The following ALPK1 variants were observed in gnomAD, a reference collection of about 807,000 sequenced individuals.
ALPK1 encodes the protein alpha-protein kinase 1.
A neutral mutation model predicts 120.6 loss-of-function variants in ALPK1; 110 were observed. The ratio of observed to expected loss-of-function variants is 0.91; its 90% CI spans 0.78 to 1.07. The LOEUF is 1.07. Among genes scored for constraint, ALPK1 ranks in the 50% least tolerant of loss-of-function variants. The probability of loss-of-function intolerance (pLI) is 0.00; values close to 1 mark genes in which losing one functional copy is unlikely to be tolerated. For synonymous variants in ALPK1, 582 were observed against 560.3 expected (o/e 1.04, Z -0.55); for missense variants, 1,498 against 1,483.9 (o/e 1.01, Z -0.16).
chr4:112,335,387 T>C (rs1169716848), intron 2 of ALPK1, among the ~76,000 whole-genome samples: 2 of 152,170 alleles, frequency 1.3e-5, no homozygotes, highest in Non-Finnish European at 2.9e-5. Context: ...AGCCAGATGA[T>C]CAAGGTTCTT....
At chr4:112,326,987 T>A (rs1220944768) in intron 2 of ALPK1, among the ~76,000 whole-genome samples, 1 of 152,208 alleles carries the variant, frequency 6.6e-6, no homozygotes, top group Non-Finnish European at 1.5e-5. Flanking sequence ...CCTCAGTCAC[T>A]GTGCAGTAGA....
chr4:112,424,950 C>G (rs775833611), intron 6 of ALPK1: 1 of 151,380 alleles, frequency 6.6e-6, no homozygotes, highest in Admixed American at 6.6e-5. Flanking sequence ...CTGGACAGTC[C>G]GATTAAAACA....
rs201791973 is a variant in ALPK1, at chr4:112,432,451, G to C, written c.2904G>C (p.Glu968Asp). Reference sequence around the variant, plus strand: ...CATTGCCGGGAAAGATGAGGAAAGAGATCCTTGAGGCTCGCACCTTGCAAC... The same window carrying C: ...CATTGCCGGGAAAGATGAGGAAAGACATCCTTGAGGCTCGCACCTTGCAAC... ...WVSLPGKMRK[E>D]ILEARTLQPD... is the part of the protein sequence containing the mutation. The change falls in exon 11 of 16, where the codon GAG becomes GAC. Residue 968 changes from glutamate to aspartate, a missense_variant. Transcript: ENST00000650871. 6.3e-5 allele frequency: 102 copies of C among 1,614,068 alleles called. No individual in the cohort carries two copies. In the Admixed American group the frequency reaches 1.6e-3, roughly 26 times the overall value.
intron 5 of ALPK1, among the ~76,000 whole-genome samples, chr4:112,412,937 A>T (rs1560676740): frequency 6.6e-6 from 1 of 152,232 alleles, no homozygotes; most frequent in African/African-American, 2.4e-5. Context: ...GGACAGAGAC[A>T]AAAGGACATG....
chr4:112,415,804 G>T (rs931396975), intron 5 of ALPK1, among the ~76,000 whole-genome samples: 3 of 152,122 alleles, frequency 2.0e-5, no homozygotes, highest in African/African-American at 4.8e-5. Flanking sequence ...ACACCCTCCC[G>T]GTTGGTGAGA....
chr4:112,374,121 G>A (rs1731542723), intron 2 of ALPK1, among the ~76,000 whole-genome samples: 1 of 152,152 alleles, frequency 6.6e-6, no homozygotes, highest in Non-Finnish European at 1.5e-5. Flanking sequence ...ATTCACCCAT[G>A]GTAGAACTTC....
intron 5 of ALPK1, among the ~76,000 whole-genome samples, chr4:112,415,495 G>A (rs1377711798): frequency 6.6e-6 from 1 of 152,120 alleles, no homozygotes; most frequent in Non-Finnish European, 1.5e-5. Context: ...AAATTAGCCT[G>A]GTGTGGTGGC....
At chr4:112,298,370 T>C (rs1727635133) in intron 1 of ALPK1, among the ~76,000 whole-genome samples, 1 of 152,148 alleles carries the variant, frequency 6.6e-6, no homozygotes, top group Non-Finnish European at 1.5e-5. Flanking sequence ...GCACTTGGGA[T>C]ACACTCTAGT....
Position 112,431,216 on chromosome 4 carries a change from A to T in ALPK1, c.1669A>T (p.Thr557Ser). 6.2e-7 allele frequency: 1 copy of T among 1,614,204 alleles called. No individual in the cohort carries two copies. Among genetic ancestry groups the T allele is most frequent in the Non-Finnish European group, 8.5e-7 (1 of 1,180,024 alleles). Residue 557 changes from threonine to serine, a missense_variant, in exon 11 of 16, where the codon ACT (threonine) becomes TCT (serine). Physicochemically the swap from Thr to Ser is moderately conservative, Grantham distance 58. Coordinates refer to ENST00000650871, the MANE Select transcript of ALPK1 (RefSeq NM_025144.4). Reference sequence around the variant, plus strand: ...CTTGGATCAAGATGTGGAGACTGAGACTGAGCCATCGGACTACAGCAATGG... The same window carrying T: ...CTTGGATCAAGATGTGGAGACTGAGTCTGAGCCATCGGACTACAGCAATGG... ...VSLDQDVETE[T>S]EPSDYSNGEG...
chr4:112,346,605 G>A (rs972176788), intron 2 of ALPK1, among the ~76,000 whole-genome samples: 5 of 152,230 alleles, frequency 3.3e-5, no homozygotes, highest in African/African-American at 1.2e-4. Flanking sequence ...CTGGGTCCAT[G>A]ATGCCAACCA....
At position 112,438,501 on chromosome 4, in the gene ALPK1, A is replaced by G. The variant is rs903807243; in HGVS notation, c.3206A>G (p.Tyr1069Cys). The stretch of plus-strand genomic sequence containing the variant: ...GTTCATAGGTATGTTGGGAAAGACT[A>G]TAAGGAGCAGAAGGGGCTCTGGCAC... ...EILGRYVGKD[Y>C]KEQKGLWHHF... The change falls in exon 13 of 16, where the codon TAT becomes TGT. Residue 1069 changes from tyrosine to cysteine, a missense_variant. Coordinates refer to ENST00000650871, the MANE Select transcript of ALPK1 (RefSeq NM_025144.4). The G allele has an allele frequency of 9.3e-6, 15 of 1,613,658 alleles. No individual in the cohort carries two copies. Among genetic ancestry groups the G allele is most frequent in the East Asian group, 2.2e-5 (1 of 44,872 alleles).
In ALPK1 at chr4:112,318,487, C is replaced by A. The variant is rs898021144; in HGVS notation, c.-101+2635C>A. Among the ~76,000 whole-genome samples the A allele has an allele frequency of 2.0e-5, 3 of 152,330 alleles. No individual in the cohort carries two copies. In the South Asian group the frequency reaches 6.2e-4, roughly 32 times the overall value. On this transcript the variant is annotated intron_variant, in intron 2 of 15. Coordinates refer to ENST00000650871, the MANE Select transcript of ALPK1 (RefSeq NM_025144.4). The stretch of plus-strand genomic sequence containing the variant: ...GGTCATTTGCCTCTGAAGCTCATAT[C>A]CTTTTCACTTCTCCAGGTTGCTTCT...
intron 2 of ALPK1, chr4:112,358,511 G>T: frequency 1.5e-6 from 1 of 678,342 alleles, no homozygotes. Flanking sequence ...AGGGTCACCA[G>T]CTGCTGGGGA....
At chr4:112,417,850 G>A (rs1733810399) in intron 5 of ALPK1, among the ~76,000 whole-genome samples, 1 of 152,192 alleles carries the variant, frequency 6.6e-6, no homozygotes, top group Non-Finnish European at 1.5e-5. Flanking sequence ...AGAAGAAAAA[G>A]TATGTGTTCA....
intron 4 of ALPK1, among the ~76,000 whole-genome samples, chr4:112,404,089 C>A (rs1261072768): frequency 1.3e-5 from 2 of 152,224 alleles, no homozygotes; most frequent in Admixed American, 1.3e-4. Flanking sequence ...CTTTTCCTTT[C>A]TCAGTTTCCA....
At position 112,344,448 on chromosome 4, in the gene ALPK1, GA is replaced by G. The variant is rs559714518; in HGVS notation, c.-101+28597del. 4.4e-3 allele frequency among the ~76,000 whole-genome samples: 677 copies of G among 152,282 alleles called. 3 individuals are homozygous for G. The highest frequency in any genetic ancestry group is 6.0e-3 in the Non-Finnish European group (410 of 68,024). On this transcript the variant is annotated intron_variant, in intron 2 of 15. Transcript: ENST00000650871. ...TTAAAGTATGGAGTTTGATAATTTG[GA>G]TCAGGCTAGGTAGAAATTGATTCAT...
chr4:112,379,236 C>T (rs77574288), intron 3 of ALPK1, among the ~76,000 whole-genome samples: 1 of 152,258 alleles, frequency 6.6e-6, no homozygotes, highest in Middle Eastern at 3.4e-3. Flanking sequence ...TTTTTCTTCA[C>T]GAGTGCCACA....
chr4:112,357,993 G>A (rs1277167735), intron 2 of ALPK1: 2 of 670,952 alleles, frequency 3.0e-6, no homozygotes, highest in South Asian at 1.5e-5. Flanking sequence ...GTATGCCGGG[G>A]AAACACTAGC....
At chr4:112,302,623 C>T (rs1727838477) in intron 1 of ALPK1, 1 of 152,292 alleles carries the variant, frequency 6.6e-6, no homozygotes, top group Non-Finnish European at 1.5e-5. Flanking sequence ...CAAACCAATC[C>T]TTACAACTGG....
Sources: allele counts gnomAD v4.1 joint callset (sites outside exome capture counted in the v4.1 genomes callset), GRCh38; gene constraint gnomAD v4.1.1; transcripts MANE v1.5; gene names NCBI Gene and HGNC (gene_info 2026-07-23, HGNC 2026-07-21).